CCDC6: variants seen among roughly 807,000 people sequenced by gnomAD.
CCDC6 encodes the protein coiled-coil domain-containing protein 6.
Under a neutral mutation model 56.6 loss-of-function variants are expected in CCDC6, and 20 were observed. That is an observed-to-expected ratio of 0.35 (90% CI 0.25 to 0.51). CCDC6 has a LOEUF of 0.51. CCDC6 is among the 20% of genes least tolerant of loss of function. CCDC6 has a pLI of 0.95. For synonymous variants in CCDC6, 241 were observed against 234.4 expected, an observed-to-expected ratio of 1.03 and a Z score of -0.26; for missense variants, 367 against 601.1, an observed-to-expected ratio of 0.61 and a Z score of 4.07.
At chr10:59,823,095 A>G (rs2132638064) in intron 3 of CCDC6, among the ~76,000 whole-genome samples, 1 of 152,302 alleles carries the variant, frequency 6.6e-6, no homozygotes, top group Admixed American at 6.5e-5. Flanking sequence ...TTCATCGGCA[A>G]TAAAATCCCC....
At chr10:59,878,088 T>C (rs1446123948) in intron 1 of CCDC6, among the ~76,000 whole-genome samples, 1 of 152,168 alleles carries the variant, frequency 6.6e-6, no homozygotes, top group Admixed American at 6.5e-5. Context: ...TAGACAAAAT[T>C]AGACAGTACC....
chr10:59,894,984 G>C (rs1212413616), intron 1 of CCDC6, among the ~76,000 whole-genome samples: 1 of 152,142 alleles, frequency 6.6e-6, no homozygotes, highest in African/African-American at 2.4e-5. Flanking sequence ...CTTCTAATAG[G>C]AAAATGCCCA....
intron 1 of CCDC6, among the ~76,000 whole-genome samples, chr10:59,867,065 T>C (rs1443175176): frequency 6.6e-6 from 1 of 152,178 alleles, no homozygotes. Flanking sequence ...AGTGTTCCTG[T>C]GTGTTGACAG....
At position 59,806,764 on chromosome 10, in the gene CCDC6, A is replaced by T. The variant is rs563196551; in HGVS notation, c.1004+158T>A. 5.7e-5 allele frequency: 29 copies of T among 510,626 alleles called. No individual in the cohort carries two copies. In the East Asian group the frequency reaches 8.8e-4, roughly 16 times the overall value. 31.6% of individuals were successfully genotyped at this position (510,626 alleles called of 1,614,324 possible). On this transcript the variant is annotated intron_variant, in intron 6 of 8. Transcript: ENST00000263102. ...AAGGAAAATGTTCAATCTTTATCCC[A>T]TTCTTGGCATCTACTATAACGCAGT...
At chr10:59,886,690 GTCA>G (rs1166603913) in intron 1 of CCDC6, among the ~76,000 whole-genome samples, 1 of 152,088 alleles carries the variant, frequency 6.6e-6, no homozygotes, top group African/African-American at 2.4e-5. Flanking sequence ...CAAAAGCCAA[GTCA>G]AAAGACAATT....
chr10:59,850,879 CTTATGTTTTCATTCTTTT>C (rs977805830), intron 2 of CCDC6, among the ~76,000 whole-genome samples: 26 of 152,056 alleles, frequency 1.7e-4, no homozygotes, highest in Middle Eastern at 3.4e-3. Context: ...GCATTATGTG[CTTATGTTTTCATTCTTTT>C]TTATGTTTTC....
At chr10:59,832,474 C>G (rs2070842595) in intron 3 of CCDC6, 51 bp downstream of exon 3, 2 of 1,551,350 alleles carry the variant, frequency 1.3e-6, no homozygotes, top group Non-Finnish European at 1.7e-6. Flanking sequence ...CTTAAAAGAA[C>G]AAGCTGAGAA....
At chr10:59,795,526 GGTTA>G (rs1032813932) in intron 7 of CCDC6, among the ~76,000 whole-genome samples, 47 of 151,474 alleles carry the variant, frequency 3.1e-4, no homozygotes, top group African/African-American at 1.1e-3. Context: ...ACAATGTGCA[GGTTA>G]GTTACATATG....
chr10:59,802,533 C>T (rs2070587541), intron 7 of CCDC6, among the ~76,000 whole-genome samples: 1 of 151,912 alleles, frequency 6.6e-6, no homozygotes, highest in Non-Finnish European at 1.5e-5. Flanking sequence ...ATTCTGCTGC[C>T]AAATAGACAA....
At chr10:59,810,961 AAC>A (rs948007807) in intron 5 of CCDC6, among the ~76,000 whole-genome samples, 2 of 152,170 alleles carry the variant, frequency 1.3e-5, no homozygotes, top group Admixed American at 6.5e-5. Flanking sequence ...AAGATGTAAC[AAC>A]AGAGGCAGAG....
chr10:59,867,909 C>CT (rs1327663777), intron 1 of CCDC6, among the ~76,000 whole-genome samples: 6 of 152,118 alleles, frequency 3.9e-5, no homozygotes, highest in Non-Finnish European at 7.3e-5. Context: ...GAAGCCCCCA[C>CT]TTTGAGTTGT....
chr10:59,815,427 G>A (rs1189061013), intron 3 of CCDC6, among the ~76,000 whole-genome samples: 1 of 152,174 alleles, frequency 6.6e-6, no homozygotes, highest in Non-Finnish European at 1.5e-5. Context: ...TGAGCAATAT[G>A]TAATAAATAC....
chr10:59,893,402 C>A (rs1487736160), intron 1 of CCDC6, among the ~76,000 whole-genome samples: 1 of 152,054 alleles, frequency 6.6e-6, no homozygotes, highest in South Asian at 2.1e-4. Context: ...AGCTGGAGAT[C>A]AGCCTGGGCA....
intron 2 of CCDC6, among the ~76,000 whole-genome samples, chr10:59,851,393 G>C (rs183160662): frequency 2.6e-4 from 40 of 152,224 alleles, no homozygotes; most frequent in African/African-American, 9.1e-4. Flanking sequence ...ATCTCTGCTA[G>C]ACAGTAATGC....
At chr10:59,885,985 G>A (rs1432186026) in intron 1 of CCDC6, among the ~76,000 whole-genome samples, 2 of 138,214 alleles carry the variant, frequency 1.4e-5, no homozygotes, top group Non-Finnish European at 3.0e-5. Context: ...TTAGCACAAT[G>A]CATAGAACAG....
At chr10:59,803,176 T>G (rs1374799013) in intron 7 of CCDC6, among the ~76,000 whole-genome samples, 1 of 152,156 alleles carries the variant, frequency 6.6e-6, no homozygotes, top group Non-Finnish European at 1.5e-5. Flanking sequence ...TTGTGATGAT[T>G]GTGCCACTGA....
At chr10:59,818,762 C>CT (rs2070729588) in intron 3 of CCDC6, among the ~76,000 whole-genome samples, 1 of 151,844 alleles carries the variant, frequency 6.6e-6, no homozygotes, top group Non-Finnish European at 1.5e-5. Flanking sequence ...TTGATCTGAA[C>CT]TGGAATAAGC....
chr10:59,837,387 C>G (rs2070891809), intron 2 of CCDC6, among the ~76,000 whole-genome samples: 1 of 152,164 alleles, frequency 6.6e-6, no homozygotes, highest in South Asian at 2.1e-4. Context: ...TCAAGTCAGT[C>G]CTTGCCAACC....
intron 7 of CCDC6, among the ~76,000 whole-genome samples, chr10:59,800,499 T>G (rs2132624155): frequency 6.6e-6 from 1 of 152,346 alleles, no homozygotes; most frequent in East Asian, 1.9e-4. Flanking sequence ...TGTTTATTGC[T>G]GAACAGTATT....
Sources: gnomAD v4.1 joint callset for allele counts (sites outside exome capture counted in the v4.1 genomes callset) on GRCh38, gnomAD v4.1.1 for gene constraint, MANE v1.5 for transcripts, NCBI Gene and HGNC (gene_info 2026-07-23, HGNC 2026-07-21) for gene names.